Variants in GDI2 observed in about 807,000 individuals in gnomAD.
GDI2 encodes the protein rab GDP dissociation inhibitor beta.
A neutral mutation model predicts 54.2 loss-of-function variants in GDI2; 22 were observed. The observed-to-expected ratio is 0.41, with a 90% CI of 0.29 to 0.58. The LOEUF (loss-of-function observed/expected upper bound fraction) is 0.58. Among genes scored for constraint, GDI2 ranks in the 20% least tolerant of loss-of-function variants. GDI2 has a pLI of 0.35. For synonymous variants in GDI2, 177 were observed against 182.1 expected, an observed-to-expected ratio of 0.97 and a Z score of 0.23; for missense variants, 422 against 546.0, an observed-to-expected ratio of 0.77 and a Z score of 2.26.
At chr10:5,813,111 G>T in intron 1 of GDI2, 103 bp downstream of exon 1, 1 of 677,746 alleles carries the variant, frequency 1.5e-6, no homozygotes, top group Non-Finnish European at 2.4e-6. Context: ...ACGGCTGACG[G>T]CAGAACGAGA....
intron 3 of GDI2, 58 bp downstream of exon 3, chr10:5,796,705 T>C (rs1841154381): frequency 1.1e-6 from 1 of 874,488 alleles, no homozygotes; most frequent in South Asian, 1.3e-5. Flanking sequence ...AAAAGTTAGT[T>C]TTGATATTAA....
Position 5,813,295 on chromosome 10 carries a change from A to G in GDI2, c.-37T>C. ...CGCGGACGCAGGACCCGAGCAAGGAAAAGGCGCAGGGGCTCCGTGACCACC... is the reference window on the plus strand; with the variant it reads ...CGCGGACGCAGGACCCGAGCAAGGAGAAGGCGCAGGGGCTCCGTGACCACC... On this transcript the variant is annotated 5_prime_UTR_variant, in exon 1 of 11. Coordinates refer to ENST00000380191, the MANE Select transcript of GDI2 (RefSeq NM_001494.4). 4 of 1,522,622 alleles carry G rather than the reference A, an allele frequency of 2.6e-6. No homozygotes were observed. Among genetic ancestry groups the G allele is most frequent in the Non-Finnish European group, 2.7e-6 (3 of 1,118,418 alleles). The allele number at this position is 1,522,622 out of a possible 1,614,324, so 94.3% of individuals were successfully genotyped here.
chr10:5,794,186 AAAATAT>A (rs57318189), intron 4 of GDI2, among the ~76,000 whole-genome samples: 172 of 46,618 alleles, frequency 3.7e-3, no homozygotes, highest in East Asian at 8.3e-3. Flanking sequence ...AAAAAAAAAA[AAAATAT>A]ATATATATAT....
intron 6 of GDI2, among the ~76,000 whole-genome samples, chr10:5,777,805 A>G (rs554402761): frequency 1.3e-5 from 2 of 152,384 alleles, no homozygotes; most frequent in Non-Finnish European, 2.9e-5. Context: ...AAAGGATTAT[A>G]AATCATGCTA....
intron 6 of GDI2, among the ~76,000 whole-genome samples, chr10:5,778,659 T>C (rs1242394837): frequency 6.6e-6 from 1 of 152,260 alleles, no homozygotes; most frequent in Non-Finnish European, 1.5e-5. Context: ...GTTTATTGTA[T>C]AATGTACCAT....
intron 6 of GDI2, among the ~76,000 whole-genome samples, chr10:5,780,233 C>G (rs1287543987): frequency 8.4e-6 from 1 of 119,408 alleles, no homozygotes; most frequent in Non-Finnish European, 1.9e-5. Flanking sequence ...AACAAACAAA[C>G]AAACAAAAAA....
intron 5 of GDI2, among the ~76,000 whole-genome samples, chr10:5,785,588 C>T (rs1407662364): frequency 6.6e-6 from 1 of 152,104 alleles, no homozygotes; most frequent in African/African-American, 2.4e-5. Flanking sequence ...GTTGGCCAGG[C>T]TGGTCTTGAA....
chr10:5,794,860 T>A, intron 4 of GDI2, 25 bp downstream of exon 4: 2 of 1,507,806 alleles, frequency 1.3e-6, no homozygotes, highest in African/African-American at 2.8e-5. Flanking sequence ...TAAAACTAGT[T>A]ACTAGAGAAA....
intron 6 of GDI2, among the ~76,000 whole-genome samples, chr10:5,784,780 T>C (rs1196074689): frequency 6.6e-6 from 1 of 152,242 alleles, no homozygotes; most frequent in East Asian, 1.9e-4. Flanking sequence ...TGATGTGATC[T>C]GTCTCCAGGT....
chr10:5,808,099 G>A (rs1001419694), intron 1 of GDI2, among the ~76,000 whole-genome samples: 1 of 152,162 alleles, frequency 6.6e-6, no homozygotes, highest in Non-Finnish European at 1.5e-5. Context: ...CACTTTGGGA[G>A]GACGAGGCAG....
At chr10:5,772,082 A>G (rs574845195) in intron 7 of GDI2, among the ~76,000 whole-genome samples, 2 of 152,168 alleles carry the variant, frequency 1.3e-5, no homozygotes, top group South Asian at 4.2e-4. Context: ...AGAAGAAAAA[A>G]AAAAACACAC....
At chr10:5,811,975 A>C in intron 1 of GDI2, 1 of 920,526 alleles carries the variant, frequency 1.1e-6, no homozygotes, top group Non-Finnish European at 1.5e-6. Flanking sequence ...AAAAAAAAAA[A>C]AATTGGTTTG....
Position 5,772,853 on chromosome 10 carries a change from C to T in GDI2, c.819+989G>A, listed in dbSNP as rs563722117. On this transcript the variant is annotated intron_variant, in intron 7 of 10. Coordinates refer to ENST00000380191, the MANE Select transcript of GDI2 (RefSeq NM_001494.4). Reference sequence around the variant, plus strand: ...GGAATTTACATCCTCAGGTGTATAACGACTGAGGGCTGTGGGTGCGGAACA... The same window carrying T: ...GGAATTTACATCCTCAGGTGTATAATGACTGAGGGCTGTGGGTGCGGAACA... 1.6e-4 allele frequency among the ~76,000 whole-genome samples: 25 copies of T among 152,228 alleles called. No homozygotes were observed. The South Asian group carries it at 3.9e-3, about 24-fold the overall frequency.
At chr10:5,788,652 T>C (rs916783660) in intron 4 of GDI2, among the ~76,000 whole-genome samples, 2 of 152,246 alleles carry the variant, frequency 1.3e-5, no homozygotes, top group African/African-American at 4.8e-5. Flanking sequence ...TCTGTTGGGC[T>C]GCATTCAAAG....
At chr10:5,796,083 T>G (rs1588983368) in intron 3 of GDI2, among the ~76,000 whole-genome samples, 2 of 152,170 alleles carry the variant, frequency 1.3e-5, no homozygotes, top group African/African-American at 4.8e-5. Context: ...TTTAAAAAAA[T>G]ACTTAGCCTG....
intron 3 of GDI2, among the ~76,000 whole-genome samples, chr10:5,795,236 C>T (rs1300127859): frequency 1.3e-5 from 2 of 152,154 alleles, no homozygotes; most frequent in Admixed American, 1.3e-4. Flanking sequence ...CTCATGCAAG[C>T]TTCCAGCCTG....
rs577715656 is a variant in GDI2, at chr10:5,813,162, G to C, written c.45+52C>G. 814 of 1,192,104 alleles carry C rather than the reference G, an allele frequency of 6.8e-4. 1 individual carries two copies. The highest frequency in any genetic ancestry group is 8.2e-4 in the Non-Finnish European group (694 of 846,884). The allele number at this position is 1,192,104 out of a possible 1,614,324, so 73.8% of individuals were successfully genotyped here. ...GACCCGCGGGCCGTGCAGGAGCCGG[G>C]GGTGCGCCCGCCCCGGCTGCTCAGC... On this transcript the variant is annotated intron_variant, in intron 1 of 10. Transcript: ENST00000380191.
intron 7 of GDI2, among the ~76,000 whole-genome samples, chr10:5,769,574 GAA>G (rs549279365): frequency 2.4e-5 from 2 of 83,690 alleles, no homozygotes. Context: ...CGTCTCAAAA[GAA>G]AAAAAAAAAA....
chr10:5,796,886 CATA>C (rs770775628), intron 2 of GDI2, 24 bp from the exon 3 acceptor site: 1 of 1,139,188 alleles, frequency 8.8e-7, no homozygotes, highest in Admixed American at 1.9e-5. Context: ...AAAACATAGC[CATA>C]ATGTTAACAA....
Sources: gnomAD v4.1 joint callset for allele counts (sites outside exome capture counted in the v4.1 genomes callset) on GRCh38, gnomAD v4.1.1 for gene constraint, MANE v1.5 for transcripts, NCBI Gene and HGNC (gene_info 2026-07-23, HGNC 2026-07-21) for gene names.